APBB2: variants seen among roughly 807,000 people sequenced by gnomAD.
APBB2 encodes amyloid beta precursor protein binding family B member 2.
Under a neutral mutation model 82.5 loss-of-function variants are expected in APBB2, and 38 were observed. The ratio of observed to expected loss-of-function variants is 0.46; its 90% CI spans 0.36 to 0.60. APBB2 has a LOEUF of 0.60. Among genes scored for constraint, APBB2 ranks in the 20% least tolerant of loss-of-function variants. The pLI is 0.00. For missense variants in APBB2, 772 were observed against 972.3 expected (o/e 0.79, Z 2.74); for synonymous variants, 341 against 368.2 (o/e 0.93, Z 0.85).
intron 1 of APBB2, among the ~76,000 whole-genome samples, chr4:41,145,060 CAGTG>C (rs1760332576): frequency 6.6e-6 from 1 of 152,190 alleles, no homozygotes; most frequent in African/African-American, 2.4e-5. Flanking sequence ...GTCGGGGCTG[CAGTG>C]AGCCATGTTC....
chr4:41,111,367 ATGTC>A (rs1277776804), intron 2 of APBB2, among the ~76,000 whole-genome samples: 1 of 152,222 alleles, frequency 6.6e-6, no homozygotes, highest in East Asian at 1.9e-4. Flanking sequence ...ATGATTCAGT[ATGTC>A]TGTGGTGGAG....
At chr4:41,050,664 C>A (rs999287211) in intron 4 of APBB2, among the ~76,000 whole-genome samples, 1 of 151,964 alleles carries the variant, frequency 6.6e-6, no homozygotes, top group Non-Finnish European at 1.5e-5. Context: ...ACTAACCATG[C>A]ACAATTAGCA....
intron 10 of APBB2, among the ~76,000 whole-genome samples, chr4:40,931,238 C>A (rs777769117): frequency 6.6e-6 from 1 of 152,166 alleles, no homozygotes; most frequent in East Asian, 1.9e-4. Flanking sequence ...CCAGGCAACA[C>A]AAAACAGGCA....
At chr4:41,091,005 T>G (rs926353161) in intron 3 of APBB2, among the ~76,000 whole-genome samples, 1 of 152,188 alleles carries the variant, frequency 6.6e-6, no homozygotes, top group Non-Finnish European at 1.5e-5. Context: ...TAAGTGTGAA[T>G]TAAGTCCATG....
At chr4:40,828,229 C>T (rs542757889) in intron 13 of APBB2, among the ~76,000 whole-genome samples, 1 of 152,324 alleles carries the variant, frequency 6.6e-6, no homozygotes, top group Non-Finnish European at 1.5e-5. Context: ...AATTGCTTCT[C>T]TTCTGTAAGG....
intron 6 of APBB2, among the ~76,000 whole-genome samples, chr4:41,006,473 A>AT (rs1037543317): frequency 4.2e-4 from 63 of 151,644 alleles, no homozygotes; most frequent in Non-Finnish European, 1.8e-4. Flanking sequence ...TTATTTTTTT[A>AT]TTTTTTTTGA....
intron 10 of APBB2, among the ~76,000 whole-genome samples, chr4:40,923,613 G>A (rs867390953): frequency 5.3e-5 from 8 of 152,210 alleles, no homozygotes; most frequent in Admixed American, 3.3e-4. Flanking sequence ...TCAGGATGGC[G>A]GCTGCTGCCA....
At chr4:41,138,992 G>C (rs1187495093) in intron 2 of APBB2, among the ~76,000 whole-genome samples, 1 of 151,986 alleles carries the variant, frequency 6.6e-6, no homozygotes, top group African/African-American at 2.4e-5. Flanking sequence ...GCATCAAAAA[G>C]AGAAAAATAC....
chr4:40,975,876 C>T (rs77366579), intron 6 of APBB2, among the ~76,000 whole-genome samples: 1 of 152,018 alleles, frequency 6.6e-6, no homozygotes, highest in Non-Finnish European at 1.5e-5. Flanking sequence ...TTTCTTAACC[C>T]AGGACTTGGA....
chr4:41,038,704 A>G (rs950271107), intron 4 of APBB2, among the ~76,000 whole-genome samples: 6 of 151,946 alleles, frequency 3.9e-5, no homozygotes, highest in Non-Finnish European at 8.8e-5. Flanking sequence ...AAAACCCAAT[A>G]CTCCCTTTCT....
intron 4 of APBB2, among the ~76,000 whole-genome samples, chr4:41,063,382 T>C (rs1362341631): frequency 5.9e-5 from 9 of 152,254 alleles, no homozygotes; most frequent in Non-Finnish European, 1.2e-4. Context: ...GGCTACAGTA[T>C]GCAGATCCCT....
intron 12 of APBB2, among the ~76,000 whole-genome samples, chr4:40,837,631 C>A (rs1338955961): frequency 6.6e-6 from 1 of 152,240 alleles, no homozygotes; most frequent in African/African-American, 2.4e-5. Context: ...AGACCCGTTT[C>A]TGCTCTCTGC....
chr4:40,904,079 C>T (rs770640109), intron 10 of APBB2, among the ~76,000 whole-genome samples: 5 of 151,910 alleles, frequency 3.3e-5, no homozygotes, highest in African/African-American at 7.3e-5. Context: ...TAGACAGCAA[C>T]GGGTCTGATT....
intron 1 of APBB2, among the ~76,000 whole-genome samples, chr4:41,195,879 G>A: frequency 3.9e-5 from 6 of 152,164 alleles, no homozygotes; most frequent in Admixed American, 1.3e-4. Flanking sequence ...ATCACATCCC[G>A]GCCAGGCTCA....
chr4:40,949,033 C>T (rs982698060), intron 6 of APBB2, among the ~76,000 whole-genome samples: 1 of 152,006 alleles, frequency 6.6e-6, no homozygotes, highest in South Asian at 2.1e-4. Flanking sequence ...AATCCCATCA[C>T]TTTGGAAGGC....
chr4:41,202,534 C>G (rs1385088762), intron 1 of APBB2, among the ~76,000 whole-genome samples: 1 of 152,024 alleles, frequency 6.6e-6, no homozygotes, highest in East Asian at 1.9e-4. Flanking sequence ...CAAAACCATC[C>G]ACAATCCCAC....
In APBB2 at chr4:41,190,106, T is replaced by C. The variant is rs185166199; in HGVS notation, c.-417+24299A>G. Among the ~76,000 whole-genome samples the C allele has an allele frequency of 2.0e-5, 3 of 152,300 alleles. No individual in the cohort carries two copies. The East Asian group carries it at 5.8e-4, about 29-fold the overall frequency. On this transcript the variant is annotated intron_variant, in intron 1 of 17. Transcript: ENST00000508593. ...GCTATTATTTTTTTTCATTAGAAAG[T>C]TGATAATCCCCCAGTGTTATAATCC...
chr4:41,084,389 A>C (rs909206176), intron 3 of APBB2, among the ~76,000 whole-genome samples: 1 of 152,230 alleles, frequency 6.6e-6, no homozygotes, highest in Admixed American at 6.5e-5. Flanking sequence ...ACACCATTGC[A>C]TTCCAGCCTG....
chr4:41,160,405 C>T (rs1580508606), intron 1 of APBB2, among the ~76,000 whole-genome samples: 1 of 152,272 alleles, frequency 6.6e-6, no homozygotes, highest in Non-Finnish European at 1.5e-5. Context: ...AAACCAGACG[C>T]AGGGAAATTT....
Sources: gnomAD v4.1 joint callset for allele counts (sites outside exome capture counted in the v4.1 genomes callset) on GRCh38, gnomAD v4.1.1 for gene constraint, MANE v1.5 for transcripts, NCBI Gene and HGNC (gene_info 2026-07-23, HGNC 2026-07-21) for gene names.